The following TANC2 variants were observed in gnomAD, a reference collection of about 807,000 sequenced individuals.
TANC2 encodes tetratricopeptide repeat, ankyrin repeat and coiled-coil containing 2.
Under a neutral mutation model 210.5 loss-of-function variants are expected in TANC2, and 26 were observed. That is an observed-to-expected ratio of 0.12 (90% CI 0.09 to 0.17). The LOEUF is 0.17. Among genes scored for constraint, TANC2 ranks in the 10% least tolerant of loss-of-function variants. The probability of loss-of-function intolerance (pLI) is 1.00; values close to 1 mark genes in which losing one functional copy is unlikely to be tolerated. For missense variants in TANC2, 2,129 were observed against 2,608.9 expected, an observed-to-expected ratio of 0.82 and a Z score of 4.01; for synonymous variants, 931 against 967.1, an observed-to-expected ratio of 0.96 and a Z score of 0.69.
intron 1 of TANC2, among the ~76,000 whole-genome samples, chr17:63,009,027 G>T (rs1243295374): frequency 6.6e-6 from 1 of 151,924 alleles, no homozygotes; most frequent in Non-Finnish European, 1.5e-5. Context: ...ATTCTTTTAA[G>T]GAATTATTTA....
In TANC2 at chr17:63,008,320, A is replaced by G. The variant is rs867386116; in HGVS notation, c.-23-1217A>G. 4.6e-5 allele frequency among the ~76,000 whole-genome samples: 7 copies of G among 152,258 alleles called. No individual in the cohort carries two copies. The Middle Eastern group carries it at 0.014, about 296-fold the overall frequency. ...ATGAAATTTCAGTTATACATATGTT[A>G]GAACTTTTCAGTGGTTCCATATGCA... On this transcript the variant is annotated intron_variant, in intron 1 of 27. Coordinates refer to ENST00000689528, the Ensembl canonical transcript of TANC2.
At chr17:63,386,091 C>A (rs2047769429) in intron 15 of TANC2, among the ~76,000 whole-genome samples, 1 of 152,170 alleles carries the variant, frequency 6.6e-6, no homozygotes, top group Non-Finnish European at 1.5e-5. Flanking sequence ...CAAAATATAT[C>A]AACTTCTTGA....
At chr17:63,163,287 T>C (rs895675737) in intron 5 of TANC2, among the ~76,000 whole-genome samples, 1 of 152,072 alleles carries the variant, frequency 6.6e-6, no homozygotes, top group African/African-American at 2.4e-5. Flanking sequence ...AGAATATAAC[T>C]ATGGGAGTGG....
At chr17:63,346,598 A>T (rs954009838) in intron 12 of TANC2, among the ~76,000 whole-genome samples, 2 of 152,230 alleles carry the variant, frequency 1.3e-5, no homozygotes, top group Non-Finnish European at 2.9e-5. Context: ...AATGGTTAAA[A>T]TTTAAAAGAA....
chr17:63,118,199 T>A (rs1598424359), intron 4 of TANC2, among the ~76,000 whole-genome samples: 1 of 152,186 alleles, frequency 6.6e-6, no homozygotes, highest in Admixed American at 6.5e-5. Flanking sequence ...ATACATAAAA[T>A]CATTCTTGTT....
At chr17:63,083,841 C>T (rs1396782722) in intron 3 of TANC2, among the ~76,000 whole-genome samples, 1 of 152,106 alleles carries the variant, frequency 6.6e-6, no homozygotes, top group African/African-American at 2.4e-5. Flanking sequence ...GGTATAAATA[C>T]CACTTAGTCA....
intron 4 of TANC2, among the ~76,000 whole-genome samples, chr17:63,101,912 A>G (rs1475251588): frequency 3.3e-5 from 5 of 152,188 alleles, no homozygotes; most frequent in Admixed American, 6.5e-5. Flanking sequence ...AGTCAGAACA[A>G]AAGTCCTAAA....
chr17:63,055,054 G>A (rs377143968), intron 2 of TANC2, among the ~76,000 whole-genome samples: 18 of 152,302 alleles, frequency 1.2e-4, no homozygotes, highest in African/African-American at 4.1e-4. Context: ...CAACCGTCAT[G>A]TTTTGATCCT....
At chr17:63,240,092 T>A (rs2042733419) in intron 8 of TANC2, among the ~76,000 whole-genome samples, 1 of 152,198 alleles carries the variant, frequency 6.6e-6, no homozygotes, top group Admixed American at 6.6e-5. Context: ...ATATCAACTG[T>A]ACATTATGAA....
At chr17:63,220,423 T>A (rs2042138645) in intron 7 of TANC2, among the ~76,000 whole-genome samples, 1 of 151,712 alleles carries the variant, frequency 6.6e-6, no homozygotes, top group Non-Finnish European at 1.5e-5. Context: ...CAGAATAGGC[T>A]GGGCACGGTG....
chr17:63,216,806 TCAC>T (rs1263036814), intron 7 of TANC2, among the ~76,000 whole-genome samples: 1 of 152,200 alleles, frequency 6.6e-6, no homozygotes, highest in Non-Finnish European at 1.5e-5. Context: ...TTTAGAAGGT[TCAC>T]CAAGACATAC....
intron 8 of TANC2, among the ~76,000 whole-genome samples, chr17:63,255,109 A>T (rs571779768): frequency 2.7e-4 from 37 of 136,778 alleles, no homozygotes; most frequent in African/African-American, 9.2e-4. Context: ...ATTTATTTTT[A>T]TTTATTTATT....
At chr17:63,257,265 G>A (rs994803540) in intron 8 of TANC2, among the ~76,000 whole-genome samples, 8 of 151,572 alleles carry the variant, frequency 5.3e-5, no homozygotes, top group African/African-American at 1.9e-4. Flanking sequence ...TTTTTTTCTG[G>A]CAGTATGTTT....
At chr17:63,093,801 A>G (rs2144835747) in intron 3 of TANC2, among the ~76,000 whole-genome samples, 1 of 152,072 alleles carries the variant, frequency 6.6e-6, no homozygotes, top group East Asian at 1.9e-4. Context: ...TTTTTTAGAG[A>G]CAGTATCTCA....
chr17:63,141,538 C>T (rs2039293449), intron 4 of TANC2, among the ~76,000 whole-genome samples: 1 of 151,262 alleles, frequency 6.6e-6, no homozygotes, highest in South Asian at 2.1e-4. Context: ...TGCACTTCAG[C>T]CTGGGTGACA....
intron 11 of TANC2, chr17:63,331,835 A>AGTGTGTGT (rs72378149): frequency 6.6e-6 from 1 of 150,948 alleles, no homozygotes; most frequent in African/African-American, 2.6e-5. Context: ...GTAAGATAAG[A>AGTGTGTGT]GTGTGTGTGT....
intron 12 of TANC2, among the ~76,000 whole-genome samples, chr17:63,347,794 G>A (rs943798673): frequency 3.9e-5 from 6 of 151,998 alleles, no homozygotes; most frequent in Non-Finnish European, 8.8e-5. Context: ...CGTTTTGTTG[G>A]GACAGGGTCT....
At chr17:63,354,808 A>G (rs369730989) in exon 14 of TANC2, 61 of 1,577,432 alleles carry the variant, frequency 3.9e-5, no homozygotes, top group African/African-American at 1.9e-4. Flanking sequence ...CTGCCTTTCC[A>G]TAGGATTTTT....
intron 3 of TANC2, among the ~76,000 whole-genome samples, chr17:63,096,152 A>C (rs1170870076): frequency 1.3e-5 from 2 of 152,160 alleles, no homozygotes; most frequent in African/African-American, 2.4e-5. Flanking sequence ...TGTCAGATAT[A>C]TTCATGAAAG....
Sources: gnomAD v4.1 joint callset for allele counts (sites outside exome capture counted in the v4.1 genomes callset) on GRCh38, gnomAD v4.1.1 for gene constraint, MANE v1.5 for transcripts, NCBI Gene and HGNC (gene_info 2026-07-23, HGNC 2026-07-21) for gene names.